The following ARFIP1 variants were observed in gnomAD, a reference collection of about 807,000 sequenced individuals.
The protein encoded by ARFIP1 is arfaptin-1.
Under a neutral mutation model 42.5 loss-of-function variants are expected in ARFIP1, and 24 were observed. That is an observed-to-expected ratio of 0.57 (90% CI 0.41 to 0.80). The LOEUF is 0.80. ARFIP1 is among the 30% of genes least tolerant of loss of function. The pLI is 0.00. For missense variants in ARFIP1, 354 were observed against 434.0 expected (o/e 0.82, Z 1.64); for synonymous variants, 141 against 153.7 (o/e 0.92, Z 0.61).
At chr4:152,881,683 A>G (rs926540609) in intron 6 of ARFIP1, among the ~76,000 whole-genome samples, 2 of 152,162 alleles carry the variant, frequency 1.3e-5, no homozygotes, top group African/African-American at 4.8e-5. Flanking sequence ...TTATCTGCCA[A>G]TATTTGCAAC....
At chr4:152,893,955 C>T (rs192789928) in intron 8 of ARFIP1, among the ~76,000 whole-genome samples, 38 of 152,012 alleles carry the variant, frequency 2.5e-4, no homozygotes, top group Non-Finnish European at 7.4e-5. Context: ...TTATTTAAGA[C>T]GCCTGTAATC....
At position 152,911,825 on chromosome 4, in the gene ARFIP1, T is replaced by G. The variant is rs967408341; in HGVS notation, c.*1606T>G. ...CCTTATTTTATTCTTCCAGCAGAAT[T>G]ACTACTTGTGATAGTTCATTTACAT... On this transcript the variant is annotated 3_prime_UTR_variant, in exon 9 of 9. Coordinates refer to ENST00000353617, the MANE Select transcript of ARFIP1 (RefSeq NM_001025595.3). The G allele has an allele frequency of 6.6e-6, 1 of 152,614 alleles. No homozygotes were observed. The highest frequency in any genetic ancestry group is 1.5e-5 in the Non-Finnish European group (1 of 68,000). The allele number at this position is 152,614 out of a possible 1,614,324, so 9.5% of individuals were successfully genotyped here. A position where few individuals can be genotyped will look rare whatever the true frequency, so the allele number is the denominator to read the frequency against.
At chr4:152,865,270 G>C (rs2149877806) in intron 3 of ARFIP1, among the ~76,000 whole-genome samples, 1 of 152,026 alleles carries the variant, frequency 6.6e-6, no homozygotes, top group East Asian at 1.9e-4. Flanking sequence ...CCAAGTAGTT[G>C]GGATTACAGG....
chr4:152,802,796 T>G (rs1258452605), intron 1 of ARFIP1, among the ~76,000 whole-genome samples: 2 of 152,186 alleles, frequency 1.3e-5, no homozygotes, highest in Non-Finnish European at 2.9e-5. Flanking sequence ...TGCCTTTCTT[T>G]TGCATTATTA....
At chr4:152,808,282 C>CTTTTTTTTTTTT (rs1729145464) in intron 1 of ARFIP1, among the ~76,000 whole-genome samples, 1 of 15,552 alleles carries the variant, frequency 6.4e-5, no homozygotes. Context: ...GCCTGGCCTC[C>CTTTTTTTTTTTT]ATTTTTTTTT....
intron 2 of ARFIP1, among the ~76,000 whole-genome samples, chr4:152,833,558 T>C (rs569585586): frequency 6.6e-6 from 1 of 152,360 alleles, no homozygotes; most frequent in East Asian, 1.9e-4. Flanking sequence ...TAGTTATCTG[T>C]ACTCCCATGT....
At chr4:152,899,458 A>C (rs1277359040) in intron 8 of ARFIP1, among the ~76,000 whole-genome samples, 1 of 152,168 alleles carries the variant, frequency 6.6e-6, no homozygotes, top group Non-Finnish European at 1.5e-5. Flanking sequence ...CGATCTCCCA[A>C]CTTTTTTTGA....
intron 1 of ARFIP1, among the ~76,000 whole-genome samples, chr4:152,788,901 C>T (rs1252442697): frequency 7.7e-6 from 1 of 129,398 alleles, no homozygotes; most frequent in Non-Finnish European, 1.6e-5. Flanking sequence ...TCTCAGATTT[C>T]CTTGTTTTTG....
chr4:152,815,980 G>A (rs1005235455), intron 1 of ARFIP1, among the ~76,000 whole-genome samples: 15 of 151,920 alleles, frequency 9.9e-5, no homozygotes, highest in Non-Finnish European at 1.5e-4. Flanking sequence ...TCCTGACCTC[G>A]TGTTCCGCCC....
At chr4:152,787,891 A>G (rs948666306) in intron 1 of ARFIP1, among the ~76,000 whole-genome samples, 1 of 152,224 alleles carries the variant, frequency 6.6e-6, no homozygotes, top group African/African-American at 2.4e-5. Context: ...ATCAACCTGT[A>G]ATTAAATTTT....
At chr4:152,783,122 A>C (rs1730600533) in intron 1 of ARFIP1, among the ~76,000 whole-genome samples, 1 of 152,152 alleles carries the variant, frequency 6.6e-6, no homozygotes, top group Admixed American at 6.5e-5. Context: ...AAACCTGGCC[A>C]ACATGGTGAA....
At chr4:152,814,669 G>A (rs867400454) in intron 1 of ARFIP1, among the ~76,000 whole-genome samples, 3 of 152,180 alleles carry the variant, frequency 2.0e-5, no homozygotes, top group African/African-American at 4.8e-5. Flanking sequence ...CTAGCCAAGG[G>A]CAACAGACTG....
At chr4:152,791,509 A>G (rs1731144981) in intron 1 of ARFIP1, among the ~76,000 whole-genome samples, 1 of 152,190 alleles carries the variant, frequency 6.6e-6, no homozygotes, top group Non-Finnish European at 1.5e-5. Context: ...GTTTTAAGCA[A>G]TGTCATCTTG....
At chr4:152,833,748 A>G (rs1021202586) in intron 2 of ARFIP1, among the ~76,000 whole-genome samples, 8 of 152,250 alleles carry the variant, frequency 5.3e-5, no homozygotes, top group African/African-American at 1.9e-4. Context: ...AACCTGGAAG[A>G]TATTAGGCTA....
intron 7 of ARFIP1, 112 bp from the exon 8 acceptor site, chr4:152,888,020 AT>A: frequency 1.5e-6 from 1 of 686,168 alleles, no homozygotes; most frequent in Non-Finnish European, 2.2e-6. Flanking sequence ...ATGTGTGAGA[AT>A]TTTATATATT....
chr4:152,822,415 G>A (rs1444874785), intron 1 of ARFIP1, among the ~76,000 whole-genome samples: 1 of 151,162 alleles, frequency 6.6e-6, no homozygotes, highest in African/African-American at 2.4e-5. Flanking sequence ...TGTTTGTAAA[G>A]CAATTACTGC....
intron 2 of ARFIP1, among the ~76,000 whole-genome samples, chr4:152,843,516 G>C (rs1435004808): frequency 6.6e-6 from 1 of 152,172 alleles, no homozygotes; most frequent in East Asian, 1.9e-4. Flanking sequence ...CTACCAGGGT[G>C]GGTAGGGAGG....
intron 6 of ARFIP1, 118 bp downstream of exon 6, chr4:152,881,302 T>C: frequency 2.5e-6 from 2 of 786,720 alleles, no homozygotes; most frequent in Non-Finnish European, 4.0e-6. Context: ...TCTGAGATTC[T>C]CTTTTAAGAT....
chr4:152,889,790 TTATATACTATAC>T (rs1234207993), intron 8 of ARFIP1, among the ~76,000 whole-genome samples: 2 of 20,768 alleles, frequency 9.6e-5, no homozygotes, highest in African/African-American at 4.3e-4. Flanking sequence ...ATACTATATA[TTATATACTATAC>T]TATATACTAT....
Sources: gnomAD v4.1 joint callset for allele counts (sites outside exome capture counted in the v4.1 genomes callset) on GRCh38, gnomAD v4.1.1 for gene constraint, MANE v1.5 for transcripts, NCBI Gene and HGNC (gene_info 2026-07-23, HGNC 2026-07-21) for gene names.